ERI1: variants seen among roughly 807,000 people sequenced by gnomAD.
ERI1 encodes the protein exoribonuclease 1.
Under a neutral mutation model 39.7 loss-of-function variants are expected in ERI1, and 39 were observed. The observed-to-expected ratio is 0.98, with a 90% CI of 0.76 to 1.28. The LOEUF (loss-of-function observed/expected upper bound fraction) is 1.28. Ranked by LOEUF, ERI1 falls within the 50% of genes most tolerant of loss-of-function variation. ERI1 has a pLI of 0.00. For synonymous variants in ERI1, 204 were observed against 149.6 expected, an observed-to-expected ratio of 1.36 and a Z score of -2.65; for missense variants, 581 against 416.9, an observed-to-expected ratio of 1.39 and a Z score of -3.43.
At chr8:9,095,968 G>T (rs1292605836) in intron 3 of ERI1, among the ~76,000 whole-genome samples, 1 of 152,172 alleles carries the variant, frequency 6.6e-6, no homozygotes, top group Non-Finnish European at 1.5e-5. Context: ...CTGGAATATA[G>T]AAATCATAAT....
rs189605564 is a variant in ERI1, at chr8:9,015,042, G to A, written c.499-1280G>A. Among the ~76,000 whole-genome samples, 5 of 152,036 alleles carry A rather than the reference G, an allele frequency of 3.3e-5. No individual in the cohort carries two copies. In the East Asian group the frequency reaches 9.7e-4, roughly 29 times the overall value. ...TAGTAGAGACAGGTTTCACCACTTC[G>A]GCCAGGCTGGTCTTGAACTCCTGAC... On this transcript the variant is annotated intron_variant, in intron 3 of 6. Coordinates refer to ENST00000250263, the MANE Select transcript of ERI1 (RefSeq NM_153332.4).
intron 2 of ERI1, among the ~76,000 whole-genome samples, chr8:9,011,261 A>T (rs1454275635): frequency 6.6e-6 from 1 of 152,160 alleles, no homozygotes; most frequent in African/African-American, 2.4e-5. Flanking sequence ...GACAGTGTTT[A>T]TGGTTTGAAG....
intron 4 of ERI1, among the ~76,000 whole-genome samples, chr8:9,017,572 TC>T (rs1307644112): frequency 6.6e-6 from 1 of 152,108 alleles, no homozygotes; most frequent in Non-Finnish European, 1.5e-5. Flanking sequence ...GAAAAGGGCT[TC>T]CATATATGAC....
At chr8:9,069,084 G>T (rs1312732320) in intron 3 of ERI1, among the ~76,000 whole-genome samples, 3 of 152,174 alleles carry the variant, frequency 2.0e-5, no homozygotes, top group African/African-American at 7.2e-5. Flanking sequence ...CTCGCAAAGT[G>T]CTGGGATTAC....
intron 3 of ERI1, among the ~76,000 whole-genome samples, chr8:9,089,889 A>G (rs1799650308): frequency 6.6e-6 from 1 of 151,172 alleles, no homozygotes; most frequent in Non-Finnish European, 1.5e-5. Flanking sequence ...GATTGGGAGG[A>G]GGAGGATGTG....
At chr8:9,075,282 C>G (rs781412810) in intron 3 of ERI1, among the ~76,000 whole-genome samples, 1 of 152,140 alleles carries the variant, frequency 6.6e-6, no homozygotes, top group Non-Finnish European at 1.5e-5. Flanking sequence ...AAGCGAAAAC[C>G]CAGTCTCTCC....
chr8:9,052,960 G>C (rs1798405443), intron 3 of ERI1, among the ~76,000 whole-genome samples: 1 of 152,158 alleles, frequency 6.6e-6, no homozygotes. Flanking sequence ...GGAGAGAAGA[G>C]GGGAACTGGA....
intron 3 of ERI1, among the ~76,000 whole-genome samples, chr8:9,012,629 T>C (rs1012784384): frequency 4.6e-5 from 7 of 152,196 alleles, no homozygotes; most frequent in African/African-American, 1.7e-4. Context: ...TGAAGGCAAA[T>C]AATCTTGCAT....
chr8:9,036,184 A>C (rs189664821), downstream of ERI1, among the ~76,000 whole-genome samples: 2 of 152,396 alleles, frequency 1.3e-5, no homozygotes, highest in East Asian at 3.9e-4. Context: ...TTGATAAACC[A>C]GTGGCGTGGT....
intron 6 of ERI1, among the ~76,000 whole-genome samples, chr8:9,025,357 A>AGG (rs1363225771): frequency 6.6e-6 from 1 of 152,218 alleles, no homozygotes; most frequent in Non-Finnish European, 1.5e-5. Flanking sequence ...GAAATGCAAG[A>AGG]ATCTTGTCAC....
intron 3 of ERI1, among the ~76,000 whole-genome samples, chr8:9,014,034 A>G (rs1279506067): frequency 6.6e-6 from 1 of 152,162 alleles, no homozygotes; most frequent in Non-Finnish European, 1.5e-5. Flanking sequence ...TTTAAAATAC[A>G]AGTCATTTCA....
chr8:9,011,558 C>G lies in ERI1; in HGVS notation c.304C>G (p.Leu102Val), dbSNP rs1356528605. 6.2e-7 allele frequency: 1 copy of G among 1,608,596 alleles called. No homozygotes were observed. The highest frequency in any genetic ancestry group is 1.1e-5 in the South Asian group (1 of 90,422). ...TCTACTTAGAGGAGTAAAGGATGTT[C>G]TAAAGAAGAGACTGAAAAACTATTA... ...KLETRGVKDV[L>V]KKRLKNYYKK... Residue 102 changes from leucine (L) to valine (V), a missense_variant, in exon 3 of 7, where the codon CTA becomes GTA. Transcript: ENST00000250263.
chr8:9,078,442 A>ACCATAAC (rs1318389395), intron 3 of ERI1, among the ~76,000 whole-genome samples: 2 of 152,154 alleles, frequency 1.3e-5, no homozygotes, highest in East Asian at 3.8e-4. Context: ...AAGCGACTTA[A>ACCATAAC]CCATAACCAT....
rs771802425 is a variant in ERI1, at chr8:9,008,092, T to C, written c.231T>C (p.Asn77=). ...TTGCCATTACGAATGGCTGTATTAA[T>C]AGAATGAGTAAGGAAGAACTCAGAG... is the stretch of plus-strand genomic sequence containing the variant. ...KEIAITNGCI[N]RMSKEELRAK... The change falls in exon 2 of 7, where the codon AAT becomes AAC. Residue 77 remains asparagine, a synonymous_variant. Coordinates refer to ENST00000250263, the MANE Select transcript of ERI1 (RefSeq NM_153332.4). 6 of 1,612,738 alleles carry C rather than the reference T, an allele frequency of 3.7e-6. No individual in the cohort carries two copies. The African/African-American group carries it at 5.3e-5, about 14-fold the overall frequency.
intron 3 of ERI1, among the ~76,000 whole-genome samples, chr8:9,051,034 T>C (rs2117372989): frequency 6.6e-6 from 1 of 152,200 alleles, no homozygotes; most frequent in Admixed American, 6.5e-5. Flanking sequence ...GACTTTAAAA[T>C]GATAGCAGAA....
chr8:9,074,077 C>T (rs973793632), intron 3 of ERI1, among the ~76,000 whole-genome samples: 2 of 151,962 alleles, frequency 1.3e-5, no homozygotes, highest in Non-Finnish European at 1.5e-5. Flanking sequence ...TATAAGCCAC[C>T]GCACCCAGCC....
Position 9,008,052 on chromosome 8 carries a change from C to A in ERI1, c.191C>A (p.Pro64Gln), listed in dbSNP as rs750465484. The change falls in exon 2 of 7, where the codon CCG becomes CAG. Residue 64 changes from proline (P) to glutamine (Q), a missense_variant. Coordinates refer to ENST00000250263, the MANE Select transcript of ERI1 (RefSeq NM_153332.4). ...ITSSASDFSD[P>Q]VYKEIAITNG... Reference sequence around the variant, plus strand: ...TCCAGTGCGAGTGACTTCAGTGACCCGGTTTACAAAGAGATTGCCATTACG... The same window carrying A: ...TCCAGTGCGAGTGACTTCAGTGACCAGGTTTACAAAGAGATTGCCATTACG... The A allele has an allele frequency of 2.5e-6, 4 of 1,606,384 alleles. No homozygotes were observed. The highest frequency in any genetic ancestry group is 3.4e-6 in the Non-Finnish European group (4 of 1,178,290).
intron 3 of ERI1, among the ~76,000 whole-genome samples, chr8:9,040,426 G>C (rs1417759096): frequency 6.6e-6 from 1 of 152,126 alleles, no homozygotes; most frequent in East Asian, 1.9e-4. Flanking sequence ...TAACGCCTTG[G>C]GGCAGCAGTG....
At chr8:9,017,016 C>G (rs1817372173) in intron 4 of ERI1, among the ~76,000 whole-genome samples, 3 of 151,860 alleles carry the variant, frequency 2.0e-5, no homozygotes, top group Non-Finnish European at 4.4e-5. Context: ...TGTTTACAAC[C>G]TGACTTTATA....
Sources: allele counts gnomAD v4.1 joint callset (sites outside exome capture counted in the v4.1 genomes callset), GRCh38; gene constraint gnomAD v4.1.1; transcripts MANE v1.5; gene names NCBI Gene and HGNC (gene_info 2026-07-23, HGNC 2026-07-21).